CNTLN: variants seen among roughly 807,000 people sequenced by gnomAD.
The protein encoded by CNTLN is centlein, centrosomal protein.
In CNTLN, 212 loss-of-function variants were observed where a neutral mutation model predicts 180.0. The observed-to-expected ratio is 1.18, with a 90% CI of 1.05 to 1.32. The LOEUF (loss-of-function observed/expected upper bound fraction) is 1.32. Ranked by LOEUF, CNTLN falls within the 40% of genes most tolerant of loss-of-function variation. The pLI is 0.00. For synonymous variants in CNTLN, 722 were observed against 563.1 expected (o/e 1.28, Z -3.99); for missense variants, 2,095 against 1,610.9 (o/e 1.30, Z -5.14).
At chr9:17,185,342 A>G (rs1821362642) in intron 2 of CNTLN, among the ~76,000 whole-genome samples, 1 of 152,232 alleles carries the variant, frequency 6.6e-6, no homozygotes. Flanking sequence ...CAGAAACTGG[A>G]TGGCTCCAAA....
intron 2 of CNTLN, among the ~76,000 whole-genome samples, chr9:17,144,161 G>C (rs1455419577): frequency 6.6e-6 from 1 of 151,956 alleles, no homozygotes; most frequent in Non-Finnish European, 1.5e-5. Context: ...TCTAGTCCTG[G>C]GATCATTCCA....
chr9:17,156,861 C>G (rs1014538331), intron 2 of CNTLN, among the ~76,000 whole-genome samples: 10 of 152,228 alleles, frequency 6.6e-5, no homozygotes, highest in Non-Finnish European at 1.3e-4. Flanking sequence ...TGAAAGCACT[C>G]TATATTAGCT....
chr9:17,184,030 G>C (rs947608033), intron 2 of CNTLN, among the ~76,000 whole-genome samples: 10 of 152,040 alleles, frequency 6.6e-5, no homozygotes, highest in African/African-American at 2.4e-4. Context: ...TTCACATTGA[G>C]GTCATGAGAT....
chr9:17,518,780 C>A, the CNTLN span, among the ~76,000 whole-genome samples: 1 of 152,178 alleles, frequency 6.6e-6, no homozygotes, highest in Admixed American at 6.5e-5. Flanking sequence ...CTCCTTCCTG[C>A]CCCTGTAATT....
intron 8 of CNTLN, among the ~76,000 whole-genome samples, chr9:17,329,239 AG>A: frequency 6.6e-6 from 1 of 152,092 alleles, no homozygotes; most frequent in South Asian, 2.1e-4. Flanking sequence ...AAGGAAACCT[AG>A]ACAAGAGCAG....
chr9:17,322,523 T>C (rs1819987724), intron 8 of CNTLN, among the ~76,000 whole-genome samples: 1 of 152,180 alleles, frequency 6.6e-6, no homozygotes, highest in Admixed American at 6.5e-5. Flanking sequence ...TCTAGAAATT[T>C]AGCATATCTA....
At chr9:17,261,322 A>G (rs1272981500) in intron 5 of CNTLN, among the ~76,000 whole-genome samples, 1 of 151,396 alleles carries the variant, frequency 6.6e-6, no homozygotes, top group East Asian at 1.9e-4. Flanking sequence ...ATATTTTTCA[A>G]TTGGTTTGTG....
intron 25 of CNTLN, among the ~76,000 whole-genome samples, chr9:17,488,642 T>C (rs1478142895): frequency 6.6e-6 from 1 of 152,114 alleles, no homozygotes; most frequent in Non-Finnish European, 1.5e-5. Context: ...GGTATATACA[T>C]ACATTCTGCA....
chr9:17,425,837 A>T (rs542310742), intron 18 of CNTLN, among the ~76,000 whole-genome samples: 82 of 152,356 alleles, frequency 5.4e-4, no homozygotes, highest in African/African-American at 1.9e-3. Flanking sequence ...CTAAGCAAGC[A>T]TTACAGGAAT....
chr9:17,290,331 G>A (rs1261637922), intron 6 of CNTLN, among the ~76,000 whole-genome samples: 1 of 151,178 alleles, frequency 6.6e-6, no homozygotes, highest in East Asian at 1.9e-4. Flanking sequence ...GGGGGTCAGG[G>A]GTCAGGGACC....
chr9:17,245,197 A>C (rs1825727011), intron 5 of CNTLN, among the ~76,000 whole-genome samples: 1 of 152,046 alleles, frequency 6.6e-6, no homozygotes, highest in African/African-American at 2.4e-5. Flanking sequence ...TTTCTTTCAA[A>C]TTGAAGAATT....
At chr9:17,363,637 C>A (rs1272593041) in intron 12 of CNTLN, among the ~76,000 whole-genome samples, 3 of 151,900 alleles carry the variant, frequency 2.0e-5, no homozygotes, top group African/African-American at 4.8e-5. Flanking sequence ...GCTGTATCCT[C>A]CTACAATACA....
intron 18 of CNTLN, among the ~76,000 whole-genome samples, chr9:17,452,732 T>C (rs1830857048): frequency 6.6e-6 from 1 of 152,160 alleles, no homozygotes; most frequent in Non-Finnish European, 1.5e-5. Context: ...ATCTAGGTAC[T>C]GCATATCTAA....
At chr9:17,517,978 T>G in the CNTLN span, among the ~76,000 whole-genome samples, 1 of 151,626 alleles carries the variant, frequency 6.6e-6, no homozygotes, top group East Asian at 1.9e-4. Context: ...TAGGCTTTTT[T>G]TCTTCCCTAA....
At chr9:17,453,547 C>CA (rs1185121465) in intron 18 of CNTLN, among the ~76,000 whole-genome samples, 2 of 152,120 alleles carry the variant, frequency 1.3e-5, no homozygotes, top group Non-Finnish European at 2.9e-5. Flanking sequence ...TGCTACAAAA[C>CA]AAATTACCAC....
At chr9:17,385,750 C>T (rs1036757419) in intron 13 of CNTLN, among the ~76,000 whole-genome samples, 8 of 152,080 alleles carry the variant, frequency 5.3e-5, no homozygotes, top group Admixed American at 2.6e-4. Context: ...ATTTACATAG[C>T]ATTTACATTG....
chr9:17,363,869 T>C (rs890262866), intron 12 of CNTLN, among the ~76,000 whole-genome samples: 1 of 152,190 alleles, frequency 6.6e-6, no homozygotes, highest in African/African-American at 2.4e-5. Flanking sequence ...TCTTAAAATA[T>C]ATATTTTAAT....
chr9:17,167,723 C>T (rs1007686204), intron 2 of CNTLN: 1 of 152,128 alleles, frequency 6.6e-6, no homozygotes, highest in African/African-American at 2.4e-5. Context: ...CAATTTTTAA[C>T]TGTTCAGAAA....
intron 13 of CNTLN, among the ~76,000 whole-genome samples, chr9:17,373,913 A>G (rs754592564): frequency 3.9e-5 from 6 of 152,220 alleles, no homozygotes; most frequent in Non-Finnish European, 8.8e-5. Flanking sequence ...AGATATTCAT[A>G]TGCGTAAGAA....
Sources: gnomAD v4.1 joint callset for allele counts (sites outside exome capture counted in the v4.1 genomes callset) on GRCh38, gnomAD v4.1.1 for gene constraint, MANE v1.5 for transcripts, NCBI Gene and HGNC (gene_info 2026-07-23, HGNC 2026-07-21) for gene names.